Variants in MGST1 observed in about 807,000 individuals in gnomAD.
MGST1 encodes the protein glutathione S-transferase 12.
MGST1 carries 5 observed loss-of-function variants against 8.9 expected under a neutral mutation model. The ratio of observed to expected loss-of-function variants is 0.56; its 90% confidence interval spans 0.29 to 1.19. The LOEUF is 1.19. Ranked by LOEUF, MGST1 falls within the 50% of genes most tolerant of loss-of-function variation. MGST1 has a pLI of 0.08. For synonymous variants in MGST1, 54 were observed against 67.8 expected (o/e 0.80, Z 1.00); for missense variants, 182 against 187.4 (o/e 0.97, Z 0.17).
At chr12:16,455,073 G>A (rs1941162546) in intron 4 of MGST1, among the ~76,000 whole-genome samples, 1 of 151,768 alleles carries the variant, frequency 6.6e-6, no homozygotes, top group African/African-American at 2.4e-5. Context: ...ACAAATATGT[G>A]TAAAAATGAA....
downstream of MGST1, among the ~76,000 whole-genome samples, chr12:16,381,600 A>T (rs1203509298): frequency 1.3e-5 from 2 of 152,058 alleles, no homozygotes; most frequent in Non-Finnish European, 2.9e-5. Flanking sequence ...ACTTTGGTGA[A>T]TCTCACAATT....
intron 4 of MGST1, among the ~76,000 whole-genome samples, chr12:16,566,419 C>CA (rs1166795413): frequency 1.3e-5 from 2 of 151,546 alleles, no homozygotes; most frequent in African/African-American, 2.4e-5. Flanking sequence ...TTTCAACACA[C>CA]AAAAAAATGA....
At chr12:16,439,628 G>A (rs1941022298), downstream of MGST1, among the ~76,000 whole-genome samples, 1 of 151,628 alleles carries the variant, frequency 6.6e-6, no homozygotes, top group Non-Finnish European at 1.5e-5. Flanking sequence ...AAGGTGGAGG[G>A]GTAGAAGGTG....
downstream of MGST1, among the ~76,000 whole-genome samples, chr12:16,379,617 T>TG (rs1446222076): frequency 6.6e-6 from 1 of 152,162 alleles, no homozygotes; most frequent in Non-Finnish European, 1.5e-5. Flanking sequence ...TCTTTTTTGG[T>TG]TGTGTCTCTG....
chr12:16,430,705 T>A (rs1278427396), intron 1 of MGST1, among the ~76,000 whole-genome samples: 1 of 152,174 alleles, frequency 6.6e-6, no homozygotes, highest in Non-Finnish European at 1.5e-5. Context: ...CAGCCTTCAT[T>A]GTTTCATTTA....
chr12:16,495,961 A>G (rs964672284), intron 4 of MGST1, among the ~76,000 whole-genome samples: 2 of 152,082 alleles, frequency 1.3e-5, no homozygotes, highest in Non-Finnish European at 2.9e-5. Context: ...CTGTTTATGT[A>G]TTTATATGAC....
rs1158337702 is a variant in MGST1 at position 16,547,741 on chromosome 12, CA to C, written n.483-41782del. 2.0e-5 allele frequency among the ~76,000 whole-genome samples: 3 copies of C among 152,038 alleles called. No homozygotes were observed. The highest frequency in any genetic ancestry group is 1.3e-4 in the Admixed American group (2 of 15,268). ...AATGTTTTTAAGAAAAAGTAATGAT[CA>C]AAAAGGCTTTTGCTAAAATTGTATT... On this transcript the variant is annotated intron_variant and non_coding_transcript_variant, in intron 4 of 4. Transcript: ENST00000538857. This position sits in a 1 kb window ranked among gnomAD's most constrained non-coding sequence, Gnocchi z 4.6.
At chr12:16,432,679 GACACACAC>G (rs36054419) in intron 1 of MGST1, among the ~76,000 whole-genome samples, 12,232 of 124,218 alleles carry the variant, frequency 0.098, 640 homozygotes, top group Non-Finnish European at 0.12. Flanking sequence ...CTCTCTCTCT[GACACACAC>G]ACACACACAC....
At chr12:16,468,939 A>G (rs553033950) in intron 4 of MGST1, among the ~76,000 whole-genome samples, 80 of 152,292 alleles carry the variant, frequency 5.3e-4, no homozygotes, top group Non-Finnish European at 8.8e-5. Flanking sequence ...AGGTGTAGTG[A>G]TCATCCAGCG....
At chr12:16,543,606 C>T (rs1384451961) in intron 4 of MGST1, among the ~76,000 whole-genome samples, 1 of 151,768 alleles carries the variant, frequency 6.6e-6, no homozygotes, top group Non-Finnish European at 1.5e-5. Context: ...ATGTTAAATG[C>T]TTGCCTTAGA....
In MGST1 at chr12:16,576,616, A is replaced by G. The variant is rs1943004067; in HGVS notation, n.483-12912A>G. 6.6e-6 allele frequency among the ~76,000 whole-genome samples: 1 copy of G among 152,072 alleles called. No individual in the cohort carries two copies. Among genetic ancestry groups the G allele is most frequent in the Non-Finnish European group, 1.5e-5 (1 of 67,998 alleles). On this transcript the variant is annotated intron_variant and non_coding_transcript_variant, in intron 4 of 4. Transcript: ENST00000538857. The surrounding 1 kb of genome is among the most constrained non-coding windows in gnomAD (Gnocchi z 4.1). ...GTTTGTCTCTTTCTCACTACATAAT[A>G]AGCTCCCTGAAAACTTGCCTTCTCC... is the stretch of plus-strand genomic sequence containing the variant.
chr12:16,466,546 A>G (rs1332852246), intron 4 of MGST1, among the ~76,000 whole-genome samples: 6 of 152,238 alleles, frequency 3.9e-5, no homozygotes, highest in Non-Finnish European at 4.4e-5. Flanking sequence ...ACCACACTGA[A>G]GAAAAAAAGA....
At chr12:16,354,689 A>G (rs940589751) in intron 2 of MGST1, 10 of 182,398 alleles carry the variant, frequency 5.5e-5, no homozygotes, top group South Asian at 3.0e-4. Flanking sequence ...AATTTTGCCA[A>G]TGAGGGTTTA....
At chr12:16,436,276 A>G (rs1447787139) in intron 1 of MGST1, among the ~76,000 whole-genome samples, 1 of 152,010 alleles carries the variant, frequency 6.6e-6, no homozygotes, top group Non-Finnish European at 1.5e-5. Context: ...TGTGCGTGAT[A>G]AAACAGACAA....
At position 16,410,586 on chromosome 12, in the gene MGST1, C is replaced by T. The variant is rs142458324; in HGVS notation, n.779-26802C>T. ...TATGTACGTAATATATATTTTTACACATACATATTAATGTTTATATATTAC... is the reference window on the plus strand; with the variant it reads ...TATGTACGTAATATATATTTTTACATATACATATTAATGTTTATATATTAC... On this transcript the variant is annotated intron_variant and non_coding_transcript_variant, in intron 1 of 1. Coordinates refer to the MGST1 transcript ENST00000359720. The surrounding 1 kb of genome is among the most constrained non-coding windows in gnomAD (Gnocchi z 4.4). 2.3e-3 allele frequency among the ~76,000 whole-genome samples: 338 copies of T among 147,650 alleles called. 2 individuals are homozygous for T. The highest frequency in any genetic ancestry group is 7.6e-3 in the African/African-American group (307 of 40,586).
chr12:16,577,045 G>C (rs1415290804), intron 4 of MGST1, among the ~76,000 whole-genome samples: 1 of 152,144 alleles, frequency 6.6e-6, no homozygotes, highest in Non-Finnish European at 1.5e-5. Flanking sequence ...ATCTGTCTTT[G>C]ATCACACTCA....
intron 4 of MGST1, among the ~76,000 whole-genome samples, chr12:16,571,958 C>T (rs570486131): frequency 1.3e-5 from 2 of 151,932 alleles, no homozygotes; most frequent in South Asian, 4.1e-4. Flanking sequence ...AGGATTTTTG[C>T]ATTGCCTCAA....
intron 1 of MGST1, chr12:16,400,603 C>T (rs545142585): frequency 1.8e-6 from 2 of 1,122,962 alleles, no homozygotes; most frequent in South Asian, 2.5e-5. Context: ...TGTCTGTTCC[C>T]CGGTCATCGT....
At chr12:16,583,622 A>G (rs1407327343) in intron 4 of MGST1, among the ~76,000 whole-genome samples, 1 of 152,226 alleles carries the variant, frequency 6.6e-6, no homozygotes, top group East Asian at 1.9e-4. Flanking sequence ...TAAGAGGCTG[A>G]TTTATATCAA....
Sources: gnomAD v4.1 joint callset for allele counts (sites outside exome capture counted in the v4.1 genomes callset) on GRCh38, gnomAD v4.1.1 for gene constraint, Gnocchi (gnomAD v3.1) non-coding constraint, MANE v1.5 for transcripts, NCBI Gene and HGNC (gene_info 2026-07-23, HGNC 2026-07-21) for gene names.